Variants in TLN1 observed in about 807,000 individuals in gnomAD.
TLN1 encodes talin 1.
Under a neutral mutation model 292.3 loss-of-function variants are expected in TLN1, and 56 were observed. The observed-to-expected ratio is 0.19, with a 90% CI of 0.15 to 0.24. The LOEUF (loss-of-function observed/expected upper bound fraction) is 0.24, where lower values mean the gene tolerates loss of function less well. Among genes scored for constraint, TLN1 ranks in the 10% least tolerant of loss-of-function variants. TLN1 has a pLI of 1.00. For synonymous variants in TLN1, 1,119 were observed against 1,253.7 expected (o/e 0.89, Z 2.27); for missense variants, 2,433 against 3,248.2 (o/e 0.75, Z 6.10).
intron 48 of TLN1, among the ~76,000 whole-genome samples, chr9:35,701,732 G>GA (rs1457700689): frequency 2.0e-5 from 3 of 152,056 alleles, no homozygotes; most frequent in African/African-American, 7.2e-5. Context: ...GAGATAAAAA[G>GA]AAAAAATGAG....
chr9:35,699,733 A>G lies in TLN1; in HGVS notation c.6768+241T>C. 1.0e-6 allele frequency: 1 copy of G among 972,776 alleles called. No homozygotes were observed. Among genetic ancestry groups the G allele is most frequent in the African/African-American group, 1.8e-5 (1 of 57,052 alleles). 60.3% of individuals were successfully genotyped at this position (972,776 alleles called of 1,614,324 possible). A position where few individuals can be genotyped will look rare whatever the true frequency, so the allele number is the denominator to read the frequency against. ...GACGAAAGTAGAGAAGGGGGTGGTC[A>G]GGTGGGAAGGGAGGAGAAAAGAAAA... On this transcript the variant is annotated intron_variant, in intron 50 of 56. Transcript: ENST00000314888. This position sits in a 1 kb window ranked among gnomAD's most constrained non-coding sequence, Gnocchi z 4.0.
Position 35,717,893 on chromosome 9 carries a change from G to C in TLN1, c.1996-107C>G. The C allele has an allele frequency of 7.3e-7, 1 of 1,376,328 alleles. No homozygotes were observed. Among genetic ancestry groups the C allele is most frequent in the Non-Finnish European group, 9.9e-7 (1 of 1,014,280 alleles). The allele number at this position is 1,376,328 out of a possible 1,614,324, so 85.3% of individuals were successfully genotyped here. A position where few individuals can be genotyped will look rare whatever the true frequency, so the allele number is the denominator to read the frequency against. ...TATTCCCACTGATCCAATCAAAGGA[G>C]AGTGTACGCAGAAGCAACCAGAACC... On this transcript the variant is annotated intron_variant, in intron 17 of 56. Coordinates refer to ENST00000314888, the MANE Select transcript of TLN1 (RefSeq NM_006289.4). The surrounding 1 kb of genome is among the most constrained non-coding windows in gnomAD (Gnocchi z 4.7).
chr9:35,721,872 C>T (rs2131904700), intron 9 of TLN1, 69 bp from the exon 10 acceptor site: 4 of 1,579,722 alleles, frequency 2.5e-6, no homozygotes, highest in Non-Finnish European at 3.5e-6. Flanking sequence ...ATCAGATCAG[C>T]TTGCAGCCAT....
intron 20 of TLN1, among the ~76,000 whole-genome samples, chr9:35,715,709 C>T (rs552606727): frequency 2.0e-5 from 3 of 152,322 alleles, no homozygotes; most frequent in African/African-American, 7.2e-5. Context: ...AAAGGAATCC[C>T]AGGCAGGGTA....
In TLN1 at chr9:35,707,394, G is replaced by A. The variant is rs778680871; in HGVS notation, c.4727C>T (p.Ala1576Val). 11 of 1,614,044 alleles carry A rather than the reference G, an allele frequency of 6.8e-6. No individual in the cohort carries two copies. Among genetic ancestry groups the A allele is most frequent in the Admixed American group, 3.3e-5 (2 of 60,000 alleles). ...AATGCTGGAGAACTCAGGGTTGGAC[G>A]CAAAGGCACTCAGATTGTCCACAGC... ...LEAVDNLSAFASNPEFSSIPA... is the reference protein window; with the variant it reads ...LEAVDNLSAFVSNPEFSSIPA... The change falls in exon 36 of 57, where the codon GCG (alanine) becomes GTG (valine). Residue 1576 changes from alanine (A) to valine (V), a missense_variant. Physicochemically the swap from Ala to Val is moderately conservative, Grantham distance 64 (BLOSUM62 0). Around this residue, in one of 7 missense-constraint regions of TLN1, gnomAD observed 1,384 missense variants for 1,699.6 expected, o/e 0.81. Transcript: ENST00000314888. The surrounding 1 kb of genome is among the most constrained non-coding windows in gnomAD (Gnocchi z 5.6).
chr9:35,705,881 A>C (rs1454749716), intron 41 of TLN1, 30 bp from the exon 42 acceptor site: 2 of 1,614,048 alleles, frequency 1.2e-6, no homozygotes, highest in South Asian at 1.1e-5. Flanking sequence ...AAAGGGAAAG[A>C]CTGTTAGGGT....
At position 35,719,477 on chromosome 9, in the gene TLN1, C is replaced by T; in HGVS notation, c.1687+42G>A. 1.3e-6 allele frequency: 2 copies of T among 1,560,428 alleles called. No individual in the cohort carries two copies. The highest frequency in any genetic ancestry group is 1.8e-6 in the Non-Finnish European group (2 of 1,132,020). ...ATGCATGCCTGTGCACACTTGCACC[C>T]CCTCTCCCCATCACACACCCGGAAG... On this transcript the variant is annotated intron_variant, in intron 15 of 56. Transcript: ENST00000314888. The surrounding 1 kb of genome is among the most constrained non-coding windows in gnomAD (Gnocchi z 4.6).
chr9:35,721,042 C>T, intron 10 of TLN1, 129 bp from the exon 11 acceptor site: 1 of 637,582 alleles, frequency 1.6e-6, no homozygotes, highest in Non-Finnish European at 2.7e-6. Flanking sequence ...TGGAAGATGC[C>T]CACCTTTCTT....
rs1354201851 is a variant in TLN1, at chr9:35,706,346, G to A, written c.5211C>T (p.Tyr1737=). The A allele has an allele frequency of 6.2e-7, 1 of 1,610,772 alleles. No homozygotes were observed. Among genetic ancestry groups the A allele is most frequent in the East Asian group, 2.2e-5 (1 of 44,880 alleles). Residue 1737 remains tyrosine, a synonymous_variant, in exon 40 of 57, where the codon TAC becomes TAT. Coordinates refer to ENST00000314888, the MANE Select transcript of TLN1 (RefSeq NM_006289.4). This position sits in a 1 kb window ranked among gnomAD's most constrained non-coding sequence, Gnocchi z 4.2. The part of the protein sequence containing the change: ...LGHKVSQMAQ[Y]FEPLTLAAVG... Reference sequence around the variant, plus strand: ...CTGCAGCCAGGGTGAGCGGCTCAAAGTACTGCGCCATCTGGGACACCTGAG... The same window carrying A: ...CTGCAGCCAGGGTGAGCGGCTCAAAATACTGCGCCATCTGGGACACCTGAG...
chr9:35,713,357 T>C, intron 25 of TLN1, 59 bp from the exon 26 acceptor site: 1 of 1,399,378 alleles, frequency 7.1e-7, no homozygotes, highest in South Asian at 1.3e-5. Flanking sequence ...AGAAGGAACC[T>C]GAGAAGGTAC....
chr9:35,721,034 G>T (rs1825871667), intron 10 of TLN1, 121 bp from the exon 11 acceptor site: 6 of 668,518 alleles, frequency 9.0e-6, no homozygotes, highest in Non-Finnish European at 1.6e-5. Flanking sequence ...GGCCCTCTTG[G>T]AAGATGCCCA....
In TLN1 at chr9:35,714,951, G is replaced by T. The variant is rs1179572337; in HGVS notation, c.2755-75C>A. On this transcript the variant is annotated intron_variant, in intron 21 of 56. Transcript: ENST00000314888. This position sits in a 1 kb window ranked among gnomAD's most constrained non-coding sequence, Gnocchi z 4.6. The stretch of plus-strand genomic sequence containing the variant: ...CCCAGTCCCTGGCCTACCTTGCCCA[G>T]GTTATGCCTCAAGGACGTATTAACT... The T allele has an allele frequency of 2.5e-6, 4 of 1,608,984 alleles. No individual in the cohort carries two copies. The East Asian group carries it at 8.9e-5, about 36-fold the overall frequency.
Position 35,699,729 on chromosome 9 carries a change from G to T in TLN1, c.6768+245C>A. 1.0e-6 allele frequency: 1 copy of T among 977,472 alleles called. No homozygotes were observed. Among genetic ancestry groups the T allele is most frequent in the Non-Finnish European group, 1.2e-6 (1 of 822,804 alleles). 60.5% of individuals were successfully genotyped at this position (977,472 alleles called of 1,614,324 possible). A position where few individuals can be genotyped will look rare whatever the true frequency, so the allele number is the denominator to read the frequency against. On this transcript the variant is annotated intron_variant, in intron 50 of 56. Coordinates refer to ENST00000314888, the MANE Select transcript of TLN1 (RefSeq NM_006289.4). The surrounding 1 kb of genome is among the most constrained non-coding windows in gnomAD (Gnocchi z 4.0). The stretch of plus-strand genomic sequence containing the variant: ...AGACGACGAAAGTAGAGAAGGGGGT[G>T]GTCAGGTGGGAAGGGAGGAGAAAAG...
rs771044141 is a variant in TLN1 at position 35,706,171 on chromosome 9, G to T, written c.5361+25C>A. 5 of 1,610,974 alleles carry T rather than the reference G, an allele frequency of 3.1e-6. No homozygotes were observed. The East Asian group carries it at 8.9e-5, about 29-fold the overall frequency. On this transcript the variant is annotated intron_variant, in intron 40 of 56. Transcript: ENST00000314888. The surrounding 1 kb of genome is among the most constrained non-coding windows in gnomAD (Gnocchi z 4.2). The stretch of plus-strand genomic sequence containing the variant: ...TTTCTCCAGCCTCCTGCTAGTAACA[G>T]CTCCTCCCTCCCAACCCTCAATACC...
chr9:35,723,646 T>A (rs1426918105), intron 7 of TLN1: 2 of 332,414 alleles, frequency 6.0e-6, no homozygotes, highest in South Asian at 6.0e-5. Flanking sequence ...ATGTTCCCTA[T>A]AGGGAAAATT....
Position 35,704,875 on chromosome 9 carries a change from T to G in TLN1, c.5734-60A>C. 6.4e-7 allele frequency: 1 copy of G among 1,564,656 alleles called. No individual in the cohort carries two copies. Among genetic ancestry groups the G allele is most frequent in the African/African-American group, 1.4e-5 (1 of 70,686 alleles). ...AGGGGCACTCAGGGTACCTTCACTG[T>G]GCTTGGAAAAGTCACTAAGGACATA... On this transcript the variant is annotated intron_variant, in intron 43 of 56. Coordinates refer to ENST00000314888, the MANE Select transcript of TLN1 (RefSeq NM_006289.4). The surrounding 1 kb of genome is among the most constrained non-coding windows in gnomAD (Gnocchi z 6.9).
chr9:35,703,653 T>C lies in TLN1; in HGVS notation c.6381A>G (p.Ser2127=). 1 of 1,614,224 alleles carries C rather than the reference T, an allele frequency of 6.2e-7. No homozygotes were observed. Among genetic ancestry groups the C allele is most frequent in the African/African-American group, 1.3e-5 (1 of 75,070 alleles). The change falls in exon 48 of 57, where the codon TCA becomes TCG. Residue 2127 remains serine, a synonymous_variant. Coordinates refer to ENST00000314888, the MANE Select transcript of TLN1 (RefSeq NM_006289.4). ...CCACGGCTTTTACTGTCTTAAGCAA[T>C]GATGTCACATTGGTCACCATCACCT... The part of the protein sequence containing the change: ...SAKVMVTNVT[S]LLKTVKAVED...
At position 35,707,812 on chromosome 9, in the gene TLN1, G is replaced by T; in HGVS notation, c.4551C>A (p.Thr1517=). 1 of 1,614,182 alleles carries T rather than the reference G, an allele frequency of 6.2e-7. No homozygotes were observed. The highest frequency in any genetic ancestry group is 1.1e-5 in the South Asian group (1 of 91,082). Residue 1517 remains threonine, a synonymous_variant, in exon 35 of 57, where the codon ACC becomes ACA. Transcript: ENST00000314888. The surrounding 1 kb of genome is among the most constrained non-coding windows in gnomAD (Gnocchi z 5.6). ...NSCRLASART[T]NPTAKRQFVQ... ...CAAACTGGCGCTTGGCAGTAGGATT[G>T]GTGGTACGGGCAGAAGCCAGGCGAC...
intron 48 of TLN1, among the ~76,000 whole-genome samples, 156 bp downstream of exon 48, chr9:35,703,404 A>G (rs1340502708): frequency 6.6e-6 from 1 of 152,192 alleles, no homozygotes; most frequent in South Asian, 2.1e-4. Context: ...GAGGATGGCT[A>G]CAGAGCAAGA....
Sources: allele counts gnomAD v4.1 joint callset (sites outside exome capture counted in the v4.1 genomes callset), GRCh38; gene constraint gnomAD v4.1.1; regional missense constraint gnomAD v4.1.1; non-coding constraint Gnocchi (gnomAD v3.1); transcripts MANE v1.5; gene names NCBI Gene and HGNC (gene_info 2026-07-23, HGNC 2026-07-21).